B3GALNT1: variants seen among roughly 807,000 people sequenced by gnomAD.
The protein encoded by B3GALNT1 is UDP-GalNAc:beta-1,3-N-acetylgalactosaminyltransferase 1.
A neutral mutation model predicts 27.3 loss-of-function variants in B3GALNT1; 17 were observed. The ratio of observed to expected loss-of-function variants is 0.62; its 90% CI spans 0.43 to 0.94. The LOEUF (loss-of-function observed/expected upper bound fraction) is 0.94. Among genes scored for constraint, B3GALNT1 ranks in the 40% least tolerant of loss-of-function variants. The probability of loss-of-function intolerance (pLI) is 0.00; values close to 1 mark genes in which losing one functional copy is unlikely to be tolerated. For missense variants in B3GALNT1, 347 were observed against 390.0 expected, an observed-to-expected ratio of 0.89 and a Z score of 0.93; for synonymous variants, 141 against 144.0, an observed-to-expected ratio of 0.98 and a Z score of 0.15.
At chr3:161,104,255 G>C (rs1474321936) in intron 2 of B3GALNT1, 64 bp downstream of exon 2, 4 of 1,232,372 alleles carry the variant, frequency 3.2e-6, no homozygotes, top group Non-Finnish European at 4.2e-6. Flanking sequence ...TTTTGCTTAA[G>C]CCTCCTGGGA....
intron 4 of B3GALNT1, among the ~76,000 whole-genome samples, chr3:161,090,516 T>C (rs1274460091): frequency 1.3e-5 from 2 of 152,038 alleles, no homozygotes; most frequent in African/African-American, 4.8e-5. Context: ...AAAACAATAA[T>C]ACAGGCTACA....
chr3:161,097,228 C>A (rs533375376), intron 4 of B3GALNT1, among the ~76,000 whole-genome samples: 1 of 152,112 alleles, frequency 6.6e-6, no homozygotes, highest in African/African-American at 2.4e-5. Flanking sequence ...ACCTTCTTTG[C>A]GGGTTTATTG....
In B3GALNT1 at chr3:161,086,662, A is replaced by G. The variant is rs1722172935; in HGVS notation, c.93T>C (p.Phe31=). ...SLLLLSLLSF[F]VMWYLSLPHY... is the part of the protein sequence containing the mutation. ...GGGGAAGGCTGAGGTACCACATCAC[A>G]AAGAAACTCAGGAGTGACAGCAGCA... is the stretch of plus-strand genomic sequence containing the variant. Residue 31 remains phenylalanine, a synonymous_variant, in exon 5 of 5, where the codon TTT becomes TTC. Coordinates refer to ENST00000320474, the MANE Select transcript of B3GALNT1 (RefSeq NM_003781.4). The G allele has an allele frequency of 1.2e-6, 2 of 1,614,104 alleles. 1 individual carries two copies. The highest frequency in any genetic ancestry group is 3.3e-5 in the Admixed American group (2 of 60,000).
intron 4 of B3GALNT1, among the ~76,000 whole-genome samples, chr3:161,090,244 A>G (rs999509025): frequency 6.6e-6 from 1 of 152,218 alleles, no homozygotes; most frequent in Non-Finnish European, 1.5e-5. Flanking sequence ...AAATATATAA[A>G]GCAAAACCTG....
rs1054457047 is a variant in B3GALNT1 at position 161,101,286 on chromosome 3, T to C, written c.-129-53A>G. ...AGGCAGAACAGCAGCAAGACTGCCC[T>C]GAAAGCTGGGCTTTCTGTGTCTGTT... On this transcript the variant is annotated intron_variant, in intron 3 of 4. Coordinates refer to ENST00000320474, the MANE Select transcript of B3GALNT1 (RefSeq NM_003781.4). 19 of 1,108,492 alleles carry C rather than the reference T, an allele frequency of 1.7e-5. No individual in the cohort carries two copies. In the African/African-American group the frequency reaches 2.4e-4, roughly 14 times the overall value. The allele number at this position is 1,108,492 out of a possible 1,614,324, so 68.7% of individuals were successfully genotyped here.
At chr3:161,102,728 A>G (rs1242130668) in intron 3 of B3GALNT1, among the ~76,000 whole-genome samples, 1 of 152,140 alleles carries the variant, frequency 6.6e-6, no homozygotes, top group Non-Finnish European at 1.5e-5. Flanking sequence ...GCTATCTACC[A>G]CACAGTGGGA....
At chr3:161,090,745 C>G (rs981149864) in intron 4 of B3GALNT1, among the ~76,000 whole-genome samples, 1 of 151,684 alleles carries the variant, frequency 6.6e-6, no homozygotes, top group African/African-American at 2.4e-5. Context: ...CTTATATACA[C>G]AATTTGTTTC....
At chr3:161,104,524 A>G (rs1029979912) in intron 1 of B3GALNT1, 118 bp from the exon 2 acceptor site, 3 of 408,478 alleles carry the variant, frequency 7.3e-6, no homozygotes, top group African/African-American at 6.3e-5. Context: ...TGAGGATGGC[A>G]TCATTCCTTA....
intron 4 of B3GALNT1, among the ~76,000 whole-genome samples, chr3:161,092,150 A>G (rs1477250192): frequency 6.6e-6 from 1 of 152,214 alleles, no homozygotes; most frequent in South Asian, 2.1e-4. Flanking sequence ...TTTTACAAGA[A>G]ATACAGAGGA....
chr3:161,091,498 G>T (rs866436919), intron 4 of B3GALNT1, among the ~76,000 whole-genome samples: 9 of 152,146 alleles, frequency 5.9e-5, no homozygotes, highest in Admixed American at 1.3e-4. Context: ...GTCTCAGGTA[G>T]AACATGAATC....
At position 161,092,754 on chromosome 3, in the gene B3GALNT1, T is replaced by G. The variant is rs1018423144; in HGVS notation, c.-34-5966A>C. Among the ~76,000 whole-genome samples, 5 of 146,960 alleles carry G rather than the reference T, an allele frequency of 3.4e-5. No homozygotes were observed. The Admixed American group carries it at 3.5e-4, about 10-fold the overall frequency. Reference sequence around the variant, plus strand: ...GCATGTTAGTTACCTTCTCAAAAGTTTCATTTTTCTTTTTTTTTTTTTTTT... The same window carrying G: ...GCATGTTAGTTACCTTCTCAAAAGTGTCATTTTTCTTTTTTTTTTTTTTTT... On this transcript the variant is annotated intron_variant, in intron 4 of 4. Coordinates refer to ENST00000320474, the MANE Select transcript of B3GALNT1 (RefSeq NM_003781.4).
At chr3:161,089,293 T>C (rs930072805) in intron 4 of B3GALNT1, among the ~76,000 whole-genome samples, 1 of 152,186 alleles carries the variant, frequency 6.6e-6, no homozygotes, top group Non-Finnish European at 1.5e-5. Context: ...CTTGGCATCA[T>C]TTCCATTCTA....
At position 161,086,639 on chromosome 3, in the gene B3GALNT1, G is replaced by A; in HGVS notation, c.116C>T (p.Pro39Leu). 6.2e-7 allele frequency: 1 copy of A among 1,614,146 alleles called. No individual in the cohort carries two copies. Among genetic ancestry groups the A allele is most frequent in the South Asian group, 1.1e-5 (1 of 91,072 alleles). The change falls in exon 5 of 5, where the codon CCC (proline) becomes CTC (leucine). Residue 39 changes from proline (P) to leucine (L), a missense_variant. Coordinates refer to ENST00000320474, the MANE Select transcript of B3GALNT1 (RefSeq NM_003781.4). ...CACGCGTTCTATCACATTGTAGTGG[G>A]GAAGGCTGAGGTACCACATCACAAA... ...SFFVMWYLSL[P>L]HYNVIERVNW...
chr3:161,096,821 G>A (rs374408604), intron 4 of B3GALNT1, among the ~76,000 whole-genome samples: 12 of 152,094 alleles, frequency 7.9e-5, no homozygotes, highest in South Asian at 6.2e-4. Flanking sequence ...CTCACTTTGC[G>A]GCACATTATA....
chr3:161,097,909 T>C (rs1303051559), intron 4 of B3GALNT1, among the ~76,000 whole-genome samples: 1 of 152,230 alleles, frequency 6.6e-6, no homozygotes, highest in Admixed American at 6.5e-5. Context: ...TAATAGGAAG[T>C]GAAATTTTAT....
Position 161,086,585 on chromosome 3 carries a change from G to A in B3GALNT1, c.170C>T (p.Pro57Leu), listed in dbSNP as rs757398122. Residue 57 changes from proline to leucine, a missense_variant, in exon 5 of 5, where the codon CCG (proline) becomes CTG (leucine). Coordinates refer to ENST00000320474, the MANE Select transcript of B3GALNT1 (RefSeq NM_003781.4). The stretch of plus-strand genomic sequence containing the variant: ...GAAGTGAAAGTCTTGTCTGTAAATC[G>A]GCTCATACTCATAGAAGTACATCCA... ...VNWMYFYEYEPIYRQDFHFTL... is the reference protein window; with the variant it reads ...VNWMYFYEYELIYRQDFHFTL... 4 of 1,613,986 alleles carry A rather than the reference G, an allele frequency of 2.5e-6. No homozygotes were observed. Among genetic ancestry groups the A allele is most frequent in the South Asian group, 1.1e-5 (1 of 91,080 alleles).
In B3GALNT1 at chr3:161,086,596, A is replaced by G; in HGVS notation, c.159T>C (p.Tyr53=). 1.9e-6 allele frequency: 3 copies of G among 1,614,194 alleles called. No individual in the cohort carries two copies. Among genetic ancestry groups the G allele is most frequent in the Non-Finnish European group, 2.5e-6 (3 of 1,180,032 alleles). The part of the protein sequence containing the change: ...VIERVNWMYF[Y]EYEPIYRQDF... Reference sequence around the variant, plus strand: ...CTTGTCTGTAAATCGGCTCATACTCATAGAAGTACATCCAGTTCACGCGTT... The same window carrying G: ...CTTGTCTGTAAATCGGCTCATACTCGTAGAAGTACATCCAGTTCACGCGTT... Residue 53 remains tyrosine, a synonymous_variant, in exon 5 of 5, where the codon TAT becomes TAC. Coordinates refer to ENST00000320474, the MANE Select transcript of B3GALNT1 (RefSeq NM_003781.4).
chr3:161,099,597 T>C lies in B3GALNT1; in HGVS notation c.-35+1542A>G, dbSNP rs1398029633. On this transcript the variant is annotated intron_variant, in intron 4 of 4. Coordinates refer to ENST00000320474, the MANE Select transcript of B3GALNT1 (RefSeq NM_003781.4). ...CCAAGTCATTGAATTTGAGGAGTTA[T>C]TTCTCAACAGAATTTTAGGACATTG... Among the ~76,000 whole-genome samples, 6 of 152,202 alleles carry C rather than the reference T, an allele frequency of 3.9e-5. No individual in the cohort carries two copies. The East Asian group carries it at 1.2e-3, about 29-fold the overall frequency.
Position 161,095,723 on chromosome 3 carries a change from G to C in B3GALNT1, c.-35+5416C>G, listed in dbSNP as rs1727789362. 3.9e-5 allele frequency among the ~76,000 whole-genome samples: 6 copies of C among 152,348 alleles called. 1 individual carries two copies. The South Asian group carries it at 1.2e-3, about 32-fold the overall frequency. On this transcript the variant is annotated intron_variant, in intron 4 of 4. Coordinates refer to ENST00000320474, the MANE Select transcript of B3GALNT1 (RefSeq NM_003781.4). ...GGCCAGGGAGTGCAGCTGCAAGGCT[G>C]GGGGCAGCAGGAGCAGGCTCATAAG...
Sources: gnomAD v4.1 joint callset for allele counts (sites outside exome capture counted in the v4.1 genomes callset) on GRCh38, gnomAD v4.1.1 for gene constraint, MANE v1.5 for transcripts, NCBI Gene and HGNC (gene_info 2026-07-23, HGNC 2026-07-21) for gene names.